Variants in SYBU observed in about 807,000 individuals in gnomAD.
SYBU encodes the protein syntabulin.
In SYBU, 21 loss-of-function variants were observed where a neutral mutation model predicts 35.9. The observed-to-expected ratio is 0.58, with a 90% confidence interval of 0.41 to 0.84. The LOEUF is 0.84. Ranked by LOEUF, SYBU falls within the 40% of genes least tolerant of loss-of-function variation. The pLI, the probability that SYBU is intolerant of heterozygous loss-of-function variation, is 0.00. For missense variants in SYBU, 768 were observed against 848.2 expected, an observed-to-expected ratio of 0.91 and a Z score of 1.17; for synonymous variants, 319 against 324.3, an observed-to-expected ratio of 0.98 and a Z score of 0.18.
At chr8:109,679,406 G>A (rs1432023912) in intron 1 of SYBU, among the ~76,000 whole-genome samples, 7 of 152,156 alleles carry the variant, frequency 4.6e-5, no homozygotes, top group African/African-American at 1.7e-4. Flanking sequence ...TTGCTTTCAT[G>A]TTACTCTATG....
At chr8:109,587,463 C>T (rs1823750277) in intron 3 of SYBU, among the ~76,000 whole-genome samples, 1 of 152,148 alleles carries the variant, frequency 6.6e-6, no homozygotes, top group African/African-American at 2.4e-5. Context: ...GCTACTTCTC[C>T]CATACTATGC....
chr8:109,644,765 G>A lies in SYBU; in HGVS notation c.-106C>T. ...TGCGCTGAGCCGGCGCGGGCTGCGGGCGGCGGCTCTTGGTGAGGCTCCAAC... is the reference window on the plus strand; with the variant it reads ...TGCGCTGAGCCGGCGCGGGCTGCGGACGGCGGCTCTTGGTGAGGCTCCAAC... On this transcript the variant is annotated 5_prime_UTR_variant, in exon 1 of 7. Transcript: ENST00000276646. 3.4e-6 allele frequency: 4 copies of A among 1,168,688 alleles called. No homozygotes were observed. The highest frequency in any genetic ancestry group is 2.2e-5 in the South Asian group (1 of 44,854). The allele number at this position is 1,168,688 out of a possible 1,614,324, so 72.4% of individuals were successfully genotyped here.
At chr8:109,685,960 C>G (rs1387394342), upstream of SYBU, among the ~76,000 whole-genome samples, 1 of 152,144 alleles carries the variant, frequency 6.6e-6, no homozygotes, top group Non-Finnish European at 1.5e-5. Context: ...ATAAAAATTT[C>G]CAAGCTGTAC....
upstream of SYBU, chr8:109,645,355 C>T (rs1303430024): frequency 2.2e-6 from 1 of 456,468 alleles, no homozygotes; most frequent in African/African-American, 2.0e-5. Context: ...TGAAAGGCTG[C>T]GATGGATTCT....
chr8:109,672,537 A>G (rs1234850245), intron 1 of SYBU, among the ~76,000 whole-genome samples: 1 of 152,222 alleles, frequency 6.6e-6, no homozygotes, highest in African/African-American at 2.4e-5. Context: ...CACAACCCAC[A>G]GACCAGGAGA....
intron 1 of SYBU, among the ~76,000 whole-genome samples, chr8:109,670,009 C>T (rs1361763404): frequency 6.6e-6 from 1 of 151,942 alleles, no homozygotes; most frequent in African/African-American, 2.4e-5. Context: ...ATGAGCAGAA[C>T]TCTAATAAAT....
chr8:109,643,108 T>C lies in SYBU; in HGVS notation c.25-176A>G, dbSNP rs11998387. Reference sequence around the variant, plus strand: ...TGAGCTTCAAAACTCTTCCAATGAGTTAACCTTTCTAATCTACTGAATAGC... The same window carrying C: ...TGAGCTTCAAAACTCTTCCAATGAGCTAACCTTTCTAATCTACTGAATAGC... On this transcript the variant is annotated intron_variant, in intron 1 of 6. Coordinates refer to ENST00000276646, the MANE Select transcript of SYBU (RefSeq NM_001099754.2). 0.36 allele frequency: 479,019 copies of C among 1,345,752 alleles called. 91,552 individuals are homozygous for C. The highest frequency in any genetic ancestry group is 0.73 in the African/African-American group (48,467 of 66,662). 83.4% of individuals were successfully genotyped at this position (1,345,752 alleles called of 1,614,324 possible).
chr8:109,649,533 T>C (rs1260164200), upstream of SYBU, among the ~76,000 whole-genome samples: 1 of 152,096 alleles, frequency 6.6e-6, no homozygotes, highest in East Asian at 1.9e-4. Context: ...GTCAGAGTAT[T>C]CTCTCAGTGA....
chr8:109,645,626 G>GTTGT (rs1554624973), upstream of SYBU: 60 of 245,014 alleles, frequency 2.4e-4, 1 homozygote, highest in East Asian at 4.9e-3. Context: ...TTGTTGTTTC[G>GTTGT]TTTTTTGTTT....
At chr8:109,594,035 G>T (rs531827717) in intron 3 of SYBU, among the ~76,000 whole-genome samples, 1 of 152,322 alleles carries the variant, frequency 6.6e-6, no homozygotes, top group South Asian at 2.1e-4. Context: ...CCCCTTAAAA[G>T]AACTAGCTGG....
Position 109,578,032 on chromosome 8 carries a change from G to A in SYBU, c.735-15C>T. 6.3e-7 allele frequency: 1 copy of A among 1,595,666 alleles called. No homozygotes were observed. Among genetic ancestry groups the A allele is most frequent in the Non-Finnish European group, 8.5e-7 (1 of 1,171,642 alleles). The stretch of plus-strand genomic sequence containing the variant: ...TTCCAGAACGCCTGAAACAATCCAA[G>A]TAATGAAATGTTACTTTTTGCCGTT... On this transcript the variant is annotated splice_polypyrimidine_tract_variant and intron_variant, in intron 5 of 6. Coordinates refer to ENST00000276646, the MANE Select transcript of SYBU (RefSeq NM_001099754.2).
rs372309010 is a variant in SYBU at position 109,618,856 on chromosome 8, C to G, written c.413G>C (p.Gly138Ala). 1,245 of 1,614,110 alleles carry G rather than the reference C, an allele frequency of 7.7e-4. 24 individuals carry two copies. The South Asian group carries it at 0.012, about 16-fold the overall frequency. Residue 138 changes from glycine to alanine, a missense_variant, in exon 3 of 7, where the codon GGC becomes GCC. By Grantham distance (60) the Gly-to-Ala change is moderately conservative. Transcript: ENST00000276646. ...SSRYKKESKS[G>A]LVKPGSEADF... ...AGTTCACTGACCTGGTTTCACAAGGCCTGACTTTGATTCCTTCTTATATCG... is the reference window on the plus strand; with the variant it reads ...AGTTCACTGACCTGGTTTCACAAGGGCTGACTTTGATTCCTTCTTATATCG...
chr8:109,591,672 C>A (rs899551577), intron 3 of SYBU, among the ~76,000 whole-genome samples: 6 of 150,572 alleles, frequency 4.0e-5, no homozygotes, highest in African/African-American at 7.3e-5. Flanking sequence ...CCACCACGCC[C>A]GGCTAATTTT....
intron 3 of SYBU, among the ~76,000 whole-genome samples, chr8:109,615,034 C>T (rs147983406): frequency 6.6e-6 from 1 of 152,282 alleles, no homozygotes; most frequent in Non-Finnish European, 1.5e-5. Flanking sequence ...ATCATACACT[C>T]AGGGAACATT....
chr8:109,603,950 C>T (rs906751446), intron 3 of SYBU, among the ~76,000 whole-genome samples: 2 of 152,136 alleles, frequency 1.3e-5, no homozygotes, highest in African/African-American at 4.8e-5. Context: ...TTATTCTACC[C>T]AGCTCACGCA....
At position 109,607,805 on chromosome 8, in the gene SYBU, A is replaced by AACACAC. The variant is rs1157913419; in HGVS notation, c.427+11036_427+11037insGTGTGT. ...GGCTCCATTTTGGCCTACCACAACT[A>AACACAC]ACTCACACACACACACACACACACA... is the stretch of plus-strand genomic sequence containing the variant. On this transcript the variant is annotated intron_variant, in intron 3 of 6. Coordinates refer to ENST00000276646, the MANE Select transcript of SYBU (RefSeq NM_001099754.2). The AACACAC allele has an allele frequency of 4.0e-3, 1,337 of 331,706 alleles. 14 individuals carry two copies. The highest frequency in any genetic ancestry group is 4.7e-3 in the Non-Finnish European group (968 of 205,884). The allele number at this position is 331,706 out of a possible 1,614,324, so 20.5% of individuals were successfully genotyped here. A position where few individuals can be genotyped will look rare whatever the true frequency, so the allele number is the denominator to read the frequency against.
At chr8:109,667,038 G>A (rs1816778427) in intron 1 of SYBU, among the ~76,000 whole-genome samples, 1 of 152,168 alleles carries the variant, frequency 6.6e-6, no homozygotes, top group South Asian at 2.1e-4. Context: ...ATACAACAGA[G>A]TGAAAAGATG....
chr8:109,619,897 G>A (rs187992487), intron 2 of SYBU, among the ~76,000 whole-genome samples: 1 of 152,234 alleles, frequency 6.6e-6, no homozygotes, highest in East Asian at 1.9e-4. Flanking sequence ...CAGATATATT[G>A]CTATCTGGAG....
rs775896735 is a variant in SYBU, at chr8:109,575,788, C to T, written c.1110G>A (p.Glu370=). 4 of 1,614,044 alleles carry T rather than the reference C, an allele frequency of 2.5e-6. No homozygotes were observed. The highest frequency in any genetic ancestry group is 1.1e-5 in the South Asian group (1 of 91,090). The change falls in exon 7 of 7, where the codon GAG becomes GAA. Residue 370 remains glutamate, a synonymous_variant. Coordinates refer to ENST00000276646, the MANE Select transcript of SYBU (RefSeq NM_001099754.2). The part of the protein sequence containing the change: ...VDINIQNKKL[E]SLLQSMEMAH... Reference sequence around the variant, plus strand: ...CCATCTCCATGCTCTGAAGGAGAGACTCCAGCTTCTTGTTTTGGATGTTTA... The same window carrying T: ...CCATCTCCATGCTCTGAAGGAGAGATTCCAGCTTCTTGTTTTGGATGTTTA...
Sources: allele counts gnomAD v4.1 joint callset (sites outside exome capture counted in the v4.1 genomes callset), GRCh38; gene constraint gnomAD v4.1.1; transcripts MANE v1.5; gene names NCBI Gene and HGNC (gene_info 2026-07-23, HGNC 2026-07-21).